The following FAM171A1 variants were observed in gnomAD, a reference collection of about 807,000 sequenced individuals.
FAM171A1 encodes family with sequence similarity 171 member A1, also known as protein FAM171A1.
FAM171A1 carries 23 observed loss-of-function variants against 74.9 expected under a neutral mutation model. The ratio of observed to expected loss-of-function variants is 0.31; its 90% CI spans 0.22 to 0.44. The LOEUF (loss-of-function observed/expected upper bound fraction) is 0.44. Among genes scored for constraint, FAM171A1 ranks in the 20% least tolerant of loss-of-function variants. FAM171A1 has a pLI of 1.00. For synonymous variants in FAM171A1, 527 were observed against 505.7 expected, an observed-to-expected ratio of 1.04 and a Z score of -0.57; for missense variants, 1,162 against 1,159.2, an observed-to-expected ratio of 1.00 and a Z score of -0.03.
At chr10:15,232,218 C>T (rs1834216568) in intron 5 of FAM171A1, among the ~76,000 whole-genome samples, 1 of 152,130 alleles carries the variant, frequency 6.6e-6, no homozygotes, top group African/African-American at 2.4e-5. Context: ...ACTGTTGCTG[C>T]CAGGGATGTC....
chr10:15,321,542 T>C (rs1835486706), intron 1 of FAM171A1, among the ~76,000 whole-genome samples: 1 of 152,212 alleles, frequency 6.6e-6, no homozygotes, highest in Non-Finnish European at 1.5e-5. Flanking sequence ...GATTTCCAAT[T>C]TTGTAACACT....
intron 2 of FAM171A1, among the ~76,000 whole-genome samples, chr10:15,278,715 C>T (rs1834927651): frequency 6.6e-6 from 1 of 152,078 alleles, no homozygotes; most frequent in South Asian, 2.1e-4. Flanking sequence ...TCTAGAGAGA[C>T]AGAGGGTAGA....
intron 1 of FAM171A1, among the ~76,000 whole-genome samples, chr10:15,319,762 CA>C (rs1835465443): frequency 6.6e-6 from 1 of 152,124 alleles, no homozygotes; most frequent in African/African-American, 2.4e-5. Flanking sequence ...TAGACCTTCT[CA>C]AAAGTCGGGT....
At chr10:15,287,208 C>G (rs1455673098) in intron 1 of FAM171A1, among the ~76,000 whole-genome samples, 1 of 149,888 alleles carries the variant, frequency 6.7e-6, no homozygotes, top group Non-Finnish European at 1.5e-5. Context: ...TCTCCTGCCT[C>G]AGCCTCCCGA....
intron 5 of FAM171A1, among the ~76,000 whole-genome samples, chr10:15,228,602 C>T (rs890346900): frequency 1.3e-5 from 2 of 152,232 alleles, no homozygotes; most frequent in African/African-American, 4.8e-5. Context: ...CTGCCTCTTC[C>T]TCCCAAGGTG....
chr10:15,281,794 G>A (rs2131806821), intron 2 of FAM171A1, among the ~76,000 whole-genome samples: 1 of 152,268 alleles, frequency 6.6e-6, no homozygotes, highest in South Asian at 2.1e-4. Context: ...CTGGGAGGTG[G>A]AGATTGCAGT....
Position 15,371,251 on chromosome 10 carries a change from C to A in FAM171A1, c.-199G>T, listed in dbSNP as rs1476648181. On this transcript the variant is annotated 5_prime_UTR_variant, in exon 1 of 8. Transcript: ENST00000378116. ...GGGTTTCCCCGAAGAGCCGCGGCGG[C>A]GGCGGCGGCGGCGGCTGCTGCTGCT... 7.0e-6 allele frequency among the ~76,000 whole-genome samples: 1 copy of A among 143,800 alleles called. No individual in the cohort carries two copies. The highest frequency in any genetic ancestry group is 2.5e-5 in the African/African-American group (1 of 40,144). The allele number at this position is 143,800 out of a possible 152,430, so 94.3% of individuals were successfully genotyped here. A position where few individuals can be genotyped will look rare whatever the true frequency, so the allele number is the denominator to read the frequency against.
intron 1 of FAM171A1, among the ~76,000 whole-genome samples, chr10:15,330,292 T>TTGCACCAC: frequency 6.6e-6 from 1 of 152,250 alleles, no homozygotes; most frequent in South Asian, 2.1e-4. Context: ...TGAGCCAAGA[T>TTGCACCAC]TGCACCACTG....
chr10:15,223,166 G>A (rs950496926), intron 5 of FAM171A1, among the ~76,000 whole-genome samples: 5 of 152,112 alleles, frequency 3.3e-5, no homozygotes, highest in Admixed American at 6.5e-5. Context: ...AGAGTGAGAT[G>A]CCATCTCTAC....
At chr10:15,320,130 C>T (rs1835469354) in intron 1 of FAM171A1, among the ~76,000 whole-genome samples, 1 of 152,126 alleles carries the variant, frequency 6.6e-6, no homozygotes, top group Non-Finnish European at 1.5e-5. Flanking sequence ...TCCTCCCACC[C>T]TCCACTCTCA....
At chr10:15,287,326 A>T (rs1291128074) in intron 1 of FAM171A1, among the ~76,000 whole-genome samples, 2 of 149,696 alleles carry the variant, frequency 1.3e-5, no homozygotes, top group Non-Finnish European at 3.0e-5. Flanking sequence ...TCTCCTGACC[A>T]CGTGATCTGC....
At chr10:15,356,321 GAAGC>G (rs1169264235) in intron 1 of FAM171A1, among the ~76,000 whole-genome samples, 1 of 151,760 alleles carries the variant, frequency 6.6e-6, no homozygotes, top group Non-Finnish European at 1.5e-5. Context: ...ATGAGAAAGA[GAAGC>G]AAGAGAAAAT....
At chr10:15,336,365 A>G (rs1835699964) in intron 1 of FAM171A1, among the ~76,000 whole-genome samples, 1 of 151,330 alleles carries the variant, frequency 6.6e-6, no homozygotes, top group Non-Finnish European at 1.5e-5. Context: ...CATATACAAT[A>G]TATTTGCCCT....
chr10:15,214,563 A>G lies in FAM171A1; in HGVS notation c.1025T>C (p.Leu342Pro). The G allele has an allele frequency of 3.7e-6, 6 of 1,612,380 alleles. No homozygotes were observed. Among genetic ancestry groups the G allele is most frequent in the Non-Finnish European group, 5.1e-6 (6 of 1,179,182 alleles). ...CLKPRQHHRK[L>P]QLPAGLESSK... ...ACTCTCCAGTCCTGCAGGGAGCTGC[A>G]GTTTTCTGTGGTGCTGACGAGGTTT... Residue 342 changes from leucine (L) to proline (P), a missense_variant, in exon 8 of 8, where the codon CTG becomes CCG. Coordinates refer to ENST00000378116, the MANE Select transcript of FAM171A1 (RefSeq NM_001010924.2).
At chr10:15,357,347 T>C (rs947464704) in intron 1 of FAM171A1, among the ~76,000 whole-genome samples, 2 of 152,138 alleles carry the variant, frequency 1.3e-5, no homozygotes, top group Middle Eastern at 3.2e-3. Context: ...AAATCCATGG[T>C]GAATAAAATA....
chr10:15,336,854 C>A (rs1385913336), intron 1 of FAM171A1, among the ~76,000 whole-genome samples: 1 of 152,020 alleles, frequency 6.6e-6, no homozygotes, highest in Non-Finnish European at 1.5e-5. Flanking sequence ...ATAATAAGTT[C>A]TTAAACTCAA....
At chr10:15,324,360 A>G (rs189289273) in intron 1 of FAM171A1, among the ~76,000 whole-genome samples, 4 of 152,228 alleles carry the variant, frequency 2.6e-5, no homozygotes, top group Admixed American at 1.3e-4. Flanking sequence ...CCCATCCTCA[A>G]ATGACACACT....
intron 3 of FAM171A1, among the ~76,000 whole-genome samples, chr10:15,265,257 G>C (rs1264070148): frequency 6.6e-6 from 1 of 151,640 alleles, no homozygotes; most frequent in Non-Finnish European, 1.5e-5. Context: ...GTGTGCGTGT[G>C]TGTGTGTGTG....
At chr10:15,288,632 T>C (rs1258888482) in intron 1 of FAM171A1, among the ~76,000 whole-genome samples, 2 of 152,128 alleles carry the variant, frequency 1.3e-5, no homozygotes, top group Non-Finnish European at 2.9e-5. Context: ...AAAGAAGATT[T>C]ATGAATAAAC....
Sources: gnomAD v4.1 joint callset for allele counts (sites outside exome capture counted in the v4.1 genomes callset) on GRCh38, gnomAD v4.1.1 for gene constraint, MANE v1.5 for transcripts, NCBI Gene and HGNC (gene_info 2026-07-23, HGNC 2026-07-21) for gene names.